The following FBXL17 variants were observed in gnomAD, a reference collection of about 807,000 sequenced individuals.
FBXL17 encodes F-box/LRR-repeat protein 17.
FBXL17 carries 22 observed loss-of-function variants against 66.2 expected under a neutral mutation model. The observed-to-expected ratio is 0.33, with a 90% CI of 0.24 to 0.47. FBXL17 has a LOEUF of 0.47. Ranked by LOEUF, FBXL17 falls within the 20% of genes least tolerant of loss-of-function variation. The pLI is 1.00. For synonymous variants in FBXL17, 474 were observed against 400.5 expected (o/e 1.18, Z -2.19); for missense variants, 878 against 948.2 (o/e 0.93, Z 0.97).
At chr5:107,995,228 A>G (rs537529928) in intron 7 of FBXL17, among the ~76,000 whole-genome samples, 3 of 152,246 alleles carry the variant, frequency 2.0e-5, no homozygotes, top group Non-Finnish European at 4.4e-5. Flanking sequence ...TAATTTTTAC[A>G]TATTAGAAAA....
Position 108,258,872 on chromosome 5 carries a change from A to G in FBXL17, c.1507-34644T>C, listed in dbSNP as rs771139943. On this transcript the variant is annotated intron_variant, in intron 4 of 8. Transcript: ENST00000542267. ...CACAGAGAATTTAAAAGAAATTCCA[A>G]ATTAGATCTGAGAAACCAATAGAAA... Among the ~76,000 whole-genome samples the G allele has an allele frequency of 2.0e-5, 3 of 152,130 alleles. No individual in the cohort carries two copies. In the South Asian group the frequency reaches 6.2e-4, roughly 32 times the overall value.
chr5:108,062,503 TGAG>T (rs1166227156), intron 6 of FBXL17, among the ~76,000 whole-genome samples: 2 of 152,040 alleles, frequency 1.3e-5, no homozygotes, highest in Non-Finnish European at 2.9e-5. Flanking sequence ...AAGAAAGCAA[TGAG>T]GAGAGAATCT....
intron 6 of FBXL17, among the ~76,000 whole-genome samples, chr5:108,054,920 T>C (rs916583088): frequency 6.6e-6 from 1 of 152,146 alleles, no homozygotes; most frequent in African/African-American, 2.4e-5. Context: ...GTTTGTTTGA[T>C]AGGTGATGTC....
chr5:107,915,987 A>G (rs1750113265), intron 7 of FBXL17, among the ~76,000 whole-genome samples: 1 of 152,164 alleles, frequency 6.6e-6, no homozygotes, highest in Non-Finnish European at 1.5e-5. Flanking sequence ...CTGTATAAAG[A>G]TTCATTTAAT....
At position 107,983,533 on chromosome 5, in the gene FBXL17, TA is replaced by T. The variant is rs34725446; in HGVS notation, c.1822+37391del. On this transcript the variant is annotated intron_variant, in intron 7 of 8. Coordinates refer to ENST00000542267, the MANE Select transcript of FBXL17 (RefSeq NM_001163315.3). ...TTTGCATAACAAGGAATGAACTTCA[TA>T]AAAAAAAAAATACTGAGATAGCAAA... 3.3e-3 allele frequency among the ~76,000 whole-genome samples: 481 copies of T among 145,184 alleles called. 1 individual carries two copies. The highest frequency in any genetic ancestry group is 8.5e-3 in the East Asian group (42 of 4,964).
intron 4 of FBXL17, among the ~76,000 whole-genome samples, chr5:108,232,436 T>A (rs996273212): frequency 6.6e-6 from 1 of 152,044 alleles, no homozygotes; most frequent in African/African-American, 2.4e-5. Context: ...CTTGATTGAA[T>A]TGATGGATAC....
At chr5:108,142,647 G>A (rs748295022) in intron 6 of FBXL17, among the ~76,000 whole-genome samples, 27 of 152,220 alleles carry the variant, frequency 1.8e-4, no homozygotes, top group Non-Finnish European at 2.9e-4. Context: ...TTGGGAATAA[G>A]GAAAACCGTA....
chr5:108,292,557 T>G (rs1013843330), intron 4 of FBXL17, among the ~76,000 whole-genome samples: 1 of 152,152 alleles, frequency 6.6e-6, no homozygotes, highest in Admixed American at 6.6e-5. Flanking sequence ...CTTTATTTTC[T>G]ATTTTCCACC....
At chr5:108,246,874 T>A (rs1284803375) in intron 4 of FBXL17, among the ~76,000 whole-genome samples, 1 of 152,202 alleles carries the variant, frequency 6.6e-6, no homozygotes, top group Non-Finnish European at 1.5e-5. Context: ...TGCTCAATGA[T>A]GTATTTGGAT....
intron 7 of FBXL17, among the ~76,000 whole-genome samples, chr5:107,908,636 G>A (rs1167721260): frequency 1.3e-5 from 2 of 152,138 alleles, no homozygotes; most frequent in African/African-American, 4.8e-5. Flanking sequence ...ATACTTAGGA[G>A]AAGTGGGCTA....
intron 5 of FBXL17, among the ~76,000 whole-genome samples, chr5:108,219,928 CTTTTT>C: frequency 2.7e-4 from 10 of 37,434 alleles, no homozygotes; most frequent in African/African-American, 1.1e-3. Flanking sequence ...TTACTATTTC[CTTTTT>C]TTTTTTTTTT....
At chr5:108,025,961 G>A (rs1754807863) in intron 6 of FBXL17, among the ~76,000 whole-genome samples, 1 of 152,066 alleles carries the variant, frequency 6.6e-6, no homozygotes, top group Non-Finnish European at 1.5e-5. Flanking sequence ...TCCAAATCAG[G>A]TTTTACTGAA....
At chr5:108,160,471 C>A (rs1014718919) in intron 6 of FBXL17, among the ~76,000 whole-genome samples, 3 of 152,130 alleles carry the variant, frequency 2.0e-5, no homozygotes, top group Non-Finnish European at 4.4e-5. Flanking sequence ...GAAGAAAGTT[C>A]TCAGTTAGTA....
chr5:108,007,906 C>A (rs540698992), intron 7 of FBXL17, among the ~76,000 whole-genome samples: 2 of 152,236 alleles, frequency 1.3e-5, no homozygotes, highest in Middle Eastern at 3.4e-3. Flanking sequence ...GCTCTAGAAT[C>A]AGCATGTTCC....
chr5:108,319,189 T>C (rs972903764), intron 4 of FBXL17, among the ~76,000 whole-genome samples: 7 of 151,922 alleles, frequency 4.6e-5, no homozygotes, highest in African/African-American at 1.7e-4. Context: ...AGAAATCTAG[T>C]TCTTGAAACT....
At chr5:108,143,816 C>T (rs1005242360) in intron 6 of FBXL17, among the ~76,000 whole-genome samples, 8 of 150,908 alleles carry the variant, frequency 5.3e-5, no homozygotes, top group African/African-American at 1.9e-4. Context: ...AATTTGGCTC[C>T]ATGTAAATTT....
chr5:108,071,842 C>A (rs1748346405), intron 6 of FBXL17, among the ~76,000 whole-genome samples: 1 of 152,032 alleles, frequency 6.6e-6, no homozygotes, highest in Non-Finnish European at 1.5e-5. Context: ...GTTTAGAGTA[C>A]AACTCCAACA....
chr5:108,306,109 A>G (rs1758828080), intron 4 of FBXL17, among the ~76,000 whole-genome samples: 1 of 152,086 alleles, frequency 6.6e-6, no homozygotes, highest in African/African-American at 2.4e-5. Context: ...CATGAATTGC[A>G]TATTTTTAGG....
chr5:108,294,612 T>C (rs1391292069), intron 4 of FBXL17, among the ~76,000 whole-genome samples: 1 of 152,060 alleles, frequency 6.6e-6, no homozygotes, highest in African/African-American at 2.4e-5. Flanking sequence ...AGAAATCAAA[T>C]TTAACTCTCT....
Sources: allele counts gnomAD v4.1 joint callset (sites outside exome capture counted in the v4.1 genomes callset), GRCh38; gene constraint gnomAD v4.1.1; transcripts MANE v1.5; gene names NCBI Gene and HGNC (gene_info 2026-07-23, HGNC 2026-07-21).